CORO7: variants seen among roughly 807,000 people sequenced by gnomAD.
CORO7 encodes coronin 7, also known as coronin-7.
Under a neutral mutation model 126.6 loss-of-function variants are expected in CORO7, and 107 were observed. The ratio of observed to expected loss-of-function variants is 0.85; its 90% CI spans 0.72 to 0.99. The LOEUF is 0.99. Ranked by LOEUF, CORO7 falls within the 50% of genes least tolerant of loss-of-function variation. The pLI is 0.00. For synonymous variants in CORO7, 603 were observed against 536.8 expected, an observed-to-expected ratio of 1.12 and a Z score of -1.70; for missense variants, 1,314 against 1,255.8, an observed-to-expected ratio of 1.05 and a Z score of -0.70.
chr16:4,374,171 G>C (rs1409638641), intron 9 of CORO7, among the ~76,000 whole-genome samples: 1 of 148,298 alleles, frequency 6.7e-6, no homozygotes, highest in African/African-American at 2.5e-5. Context: ...CGTGACTGGA[G>C]CAGGGCTGTG....
rs772600179 is a variant in CORO7, at chr16:4,416,555, C to T, written c.-37G>A. On this transcript the variant is annotated 5_prime_UTR_variant, in exon 1 of 28. Coordinates refer to ENST00000251166, the MANE Select transcript of CORO7 (RefSeq NM_024535.5). ...CGGCGGCGGACGCGTCTTCGAGGAC[C>T]CCGGGCGTCGGGTCTCAGGTGCACG... 1.7e-5 allele frequency: 26 copies of T among 1,570,462 alleles called. 1 individual carries two copies. The South Asian group carries it at 2.8e-4, about 17-fold the overall frequency.
chr16:4,360,835 TGCCTCTCCTCACTGCTGGCCCC>T (rs2054150856), intron 19 of CORO7, 86 bp downstream of exon 19: 3 of 1,449,818 alleles, frequency 2.1e-6, no homozygotes, highest in African/African-American at 3.4e-5. Context: ...CTGCTGGTCC[TGCCTCTCCTCACTGCTGGCCCC>T]GCCACTCCTC....
intron 6 of CORO7, among the ~76,000 whole-genome samples, chr16:4,397,764 C>T (rs1231653806): frequency 6.6e-6 from 1 of 152,008 alleles, no homozygotes; most frequent in Non-Finnish European, 1.5e-5. Flanking sequence ...CAGGTGCACG[C>T]CACCACGCCA....
intron 9 of CORO7, 168 bp downstream of exon 9, chr16:4,387,817 TC>T (rs1453975277): frequency 3.3e-5 from 26 of 790,140 alleles, no homozygotes; most frequent in Admixed American, 2.1e-4. Flanking sequence ...ATCTGGAAGC[TC>T]CGGGGGTACA....
At chr16:4,393,140 G>C (rs1169077193) in intron 7 of CORO7, among the ~76,000 whole-genome samples, 1 of 152,232 alleles carries the variant, frequency 6.6e-6, no homozygotes, top group Non-Finnish European at 1.5e-5. Flanking sequence ...AGCTGGCTCA[G>C]AGCCATGCCC....
At chr16:4,385,637 G>T (rs960747486) in intron 9 of CORO7, among the ~76,000 whole-genome samples, 3 of 152,150 alleles carry the variant, frequency 2.0e-5, no homozygotes, top group South Asian at 2.1e-4. Context: ...GCAGCCCTCC[G>T]TGGAGGCTGC....
chr16:4,379,361 A>G (rs2054870020), intron 9 of CORO7, among the ~76,000 whole-genome samples: 1 of 152,038 alleles, frequency 6.6e-6, no homozygotes, highest in African/African-American at 2.4e-5. Context: ...CGGTCTCCCC[A>G]GGAGTCTAGG....
rs2054036840 is a variant in CORO7 at position 4,358,045 on chromosome 16, A to C, written c.2516T>G (p.Leu839Arg). Reference protein sequence around the residue: ...PDTAVIWEPVLSAEAWLQGAN... With the variant: ...PDTAVIWEPVRSAEAWLQGAN... Reference sequence around the variant, plus strand: ...GCCTTGCAGCCAGGCCTCGGCACTGAGCACAGGCTCCCAGATCACAGCCGT... The same window carrying C: ...GCCTTGCAGCCAGGCCTCGGCACTGCGCACAGGCTCCCAGATCACAGCCGT... Residue 839 changes from leucine (L) to arginine (R), a missense_variant, in exon 25 of 28, where the codon CTC (leucine) becomes CGC (arginine). Coordinates refer to ENST00000251166, the MANE Select transcript of CORO7 (RefSeq NM_024535.5). 6.2e-7 allele frequency: 1 copy of C among 1,613,282 alleles called. No individual in the cohort carries two copies. Among genetic ancestry groups the C allele is most frequent in the South Asian group, 1.1e-5 (1 of 91,084 alleles).
At chr16:4,373,689 G>T (rs888239284) in intron 9 of CORO7, among the ~76,000 whole-genome samples, 2 of 152,160 alleles carry the variant, frequency 1.3e-5, no homozygotes, top group African/African-American at 4.8e-5. Flanking sequence ...GCTGGGACAA[G>T]TCCCAAGTAC....
intron 7 of CORO7, among the ~76,000 whole-genome samples, chr16:4,393,439 G>A (rs973938946): frequency 1.3e-5 from 2 of 152,190 alleles, no homozygotes; most frequent in Non-Finnish European, 2.9e-5. Flanking sequence ...CCAGGGTGTG[G>A]CCAAAACCAC....
intron 7 of CORO7, among the ~76,000 whole-genome samples, chr16:4,393,336 C>T (rs1455807920): frequency 6.6e-6 from 1 of 152,204 alleles, no homozygotes; most frequent in Non-Finnish European, 1.5e-5. Flanking sequence ...ATACCGTACA[C>T]ACCCACACTG....
chr16:4,360,603 C>G (rs961521512), intron 19 of CORO7, 55 bp from the exon 20 acceptor site: 25 of 1,539,758 alleles, frequency 1.6e-5, no homozygotes, highest in Non-Finnish European at 2.0e-5. Flanking sequence ...GGCCCCACCT[C>G]TCCCCACTGC....
intron 3 of CORO7, among the ~76,000 whole-genome samples, chr16:4,409,114 T>C (rs908045205): frequency 1.3e-5 from 2 of 151,988 alleles, no homozygotes; most frequent in African/African-American, 4.8e-5. Flanking sequence ...TTTCGGGGTG[T>C]GAACAGGACG....
chr16:4,361,025 G>A lies in CORO7; in HGVS notation c.1835C>T (p.Ser612Leu), dbSNP rs1234058835. The A allele has an allele frequency of 5.0e-6, 8 of 1,613,226 alleles. No homozygotes were observed. Among genetic ancestry groups the A allele is most frequent in the Admixed American group, 1.7e-5 (1 of 60,000 alleles). Residue 612 changes from serine (S) to leucine (L), a missense_variant, in exon 19 of 28, where the codon TCG (serine) becomes TTG (leucine). By Grantham distance (145) the Ser-to-Leu change is moderately radical. Transcript: ENST00000251166. ...FHPLAANVLA[S>L]SSYDLTVRIW... ...GCGAACAGTGAGGTCATAGGAGGAC[G>A]AGGCCAGCACATTGGCTGCCAGTGG... is the stretch of plus-strand genomic sequence containing the variant.
At chr16:4,396,567 AG>A (rs1464463650) in intron 6 of CORO7, among the ~76,000 whole-genome samples, 5 of 152,170 alleles carry the variant, frequency 3.3e-5, no homozygotes, top group African/African-American at 4.8e-5. Context: ...GGACTAACAC[AG>A]GCCTGTGTGC....
intron 7 of CORO7, among the ~76,000 whole-genome samples, chr16:4,392,340 G>C (rs1293960687): frequency 6.6e-6 from 1 of 152,136 alleles, no homozygotes; most frequent in South Asian, 2.1e-4. Context: ...CCATGGAGAA[G>C]CCACAGAACC....
intron 9 of CORO7, chr16:4,382,378 C>T (rs766784749): frequency 3.7e-6 from 6 of 1,612,262 alleles, no homozygotes; most frequent in Non-Finnish European, 5.1e-6. Context: ...CTATCGCAAC[C>T]TATCGGGCCC....
At chr16:4,359,895 A>C in intron 21 of CORO7, among the ~76,000 whole-genome samples, 1 of 97,732 alleles carries the variant, frequency 1.0e-5, no homozygotes, top group Admixed American at 1.2e-4. Flanking sequence ...CCCTGCATCT[A>C]TCTCCCCCCA....
rs767936854 is a variant in CORO7 at position 4,381,720 on chromosome 16, C to T, written c.785+6266G>A. ...ACCTAAGCCTGCAGGCCCTGCCTGG[C>T]GACCTCTCGGGCCTCTTCCCCCGCC... On this transcript the variant is annotated intron_variant, in intron 9 of 27. Coordinates refer to ENST00000251166, the MANE Select transcript of CORO7 (RefSeq NM_024535.5). 51 of 1,606,354 alleles carry T rather than the reference C, an allele frequency of 3.2e-5. No homozygotes were observed. The East Asian group carries it at 4.5e-4, about 14-fold the overall frequency.
Sources: gnomAD v4.1 joint callset for allele counts (sites outside exome capture counted in the v4.1 genomes callset) on GRCh38, gnomAD v4.1.1 for gene constraint, MANE v1.5 for transcripts, NCBI Gene and HGNC (gene_info 2026-07-23, HGNC 2026-07-21) for gene names.